Variants in HINT3 observed in about 807,000 individuals in gnomAD.
HINT3 encodes the protein adenosine 5'-monophosphoramidase HINT3.
Under a neutral mutation model 19.1 loss-of-function variants are expected in HINT3, and 16 were observed. That is an observed-to-expected ratio of 0.84 (90% CI 0.57 to 1.27). HINT3 has a LOEUF of 1.27. Among genes scored for constraint, HINT3 ranks in the 50% most tolerant of loss-of-function variants. The pLI is 0.00. For missense variants in HINT3, 197 were observed against 225.8 expected (o/e 0.87, Z 0.82); for synonymous variants, 75 against 84.8 (o/e 0.88, Z 0.63).
rs78221178 is a variant in HINT3 at position 125,971,155 on chromosome 6, C to T, written c.320-1104C>T. 6.5e-3 allele frequency among the ~76,000 whole-genome samples: 988 copies of T among 152,210 alleles called. 12 individuals carry two copies. The highest frequency in any genetic ancestry group is 0.022 in the African/African-American group (932 of 41,526). The stretch of plus-strand genomic sequence containing the variant: ...TTTTGGTGGACAGGTTTATTCCCAC[C>T]TGAAGGCCATAAAACACCAAGAGAA... On this transcript the variant is annotated intron_variant, in intron 2 of 4. Transcript: ENST00000229633.
In HINT3 at chr6:125,956,855, C is replaced by A; in HGVS notation, c.-123C>A. On this transcript the variant is annotated 5_prime_UTR_variant, in exon 1 of 5. Transcript: ENST00000229633. ...TTCCCTCTCCCCAAAGCCTGGATCACCGCCCAGCGTCAGGCGAGGGGCGAC... is the reference window on the plus strand; with the variant it reads ...TTCCCTCTCCCCAAAGCCTGGATCAACGCCCAGCGTCAGGCGAGGGGCGAC... The A allele has an allele frequency of 9.8e-7, 1 of 1,018,886 alleles. No homozygotes were observed. Among genetic ancestry groups the A allele is most frequent in the South Asian group, 1.6e-5 (1 of 63,400 alleles). 63.1% of individuals were successfully genotyped at this position (1,018,886 alleles called of 1,614,324 possible).
chr6:125,959,143 T>C (rs905836984), intron 1 of HINT3, among the ~76,000 whole-genome samples: 2 of 152,146 alleles, frequency 1.3e-5, no homozygotes, highest in African/African-American at 4.8e-5. Context: ...AATGGTTGGA[T>C]AGTCTAGCAC....
At chr6:125,958,992 G>A (rs756979301) in intron 1 of HINT3, among the ~76,000 whole-genome samples, 1 of 152,146 alleles carries the variant, frequency 6.6e-6, no homozygotes, top group Non-Finnish European at 1.5e-5. Context: ...TAGTAGTGGT[G>A]GTACCATTTC....
At chr6:125,967,507 T>C (rs1395806312) in intron 2 of HINT3, among the ~76,000 whole-genome samples, 1 of 152,038 alleles carries the variant, frequency 6.6e-6, no homozygotes, top group Non-Finnish European at 1.5e-5. Context: ...AATTTTTGTA[T>C]TTTTAGTAGA....
chr6:125,973,376 G>C (rs1208934713), intron 3 of HINT3, among the ~76,000 whole-genome samples: 3 of 152,060 alleles, frequency 2.0e-5, no homozygotes, highest in African/African-American at 7.2e-5. Context: ...ACTGCGCCGG[G>C]CCTTTTCAAA....
At chr6:125,973,064 A>ATTT (rs1562214989) in intron 3 of HINT3, among the ~76,000 whole-genome samples, 4 of 72,562 alleles carry the variant, frequency 5.5e-5, no homozygotes, top group South Asian at 4.6e-4. Context: ...CAATTTTTCA[A>ATTT]CTTTTTTTTT....
At chr6:125,969,785 AG>A (rs1456099873) in intron 2 of HINT3, among the ~76,000 whole-genome samples, 3 of 151,990 alleles carry the variant, frequency 2.0e-5, no homozygotes, top group Non-Finnish European at 4.4e-5. Flanking sequence ...TTAGACTGTC[AG>A]TTTGAGTGTT....
intron 4 of HINT3, among the ~76,000 whole-genome samples, chr6:125,976,148 C>T (rs952451411): frequency 4.6e-5 from 7 of 152,078 alleles, no homozygotes; most frequent in African/African-American, 1.4e-4. Flanking sequence ...AGTCATAGTA[C>T]AGAAAAATTT....
At chr6:125,976,253 A>G (rs1366126382) in intron 4 of HINT3, among the ~76,000 whole-genome samples, 1 of 152,110 alleles carries the variant, frequency 6.6e-6, no homozygotes, top group Non-Finnish European at 1.5e-5. Flanking sequence ...TAATATAAAA[A>G]TACAAAAATT....
chr6:125,968,502 A>C (rs1009153367), intron 2 of HINT3, among the ~76,000 whole-genome samples: 11 of 151,982 alleles, frequency 7.2e-5, no homozygotes, highest in African/African-American at 2.2e-4. Flanking sequence ...TTGGTAGGAT[A>C]ATTTGTTTTC....
intron 4 of HINT3, among the ~76,000 whole-genome samples, chr6:125,975,926 G>A (rs867131884): frequency 2.6e-5 from 4 of 152,176 alleles, no homozygotes; most frequent in South Asian, 4.1e-4. Flanking sequence ...CAAAGCAAAA[G>A]TGGAGTAGAG....
chr6:125,974,946 T>G lies in HINT3; in HGVS notation c.489T>G (p.Tyr163Ter), dbSNP rs1203194233. 6.2e-7 allele frequency: 1 copy of G among 1,614,040 alleles called. No individual in the cohort carries two copies. The highest frequency in any genetic ancestry group is 8.5e-7 in the Non-Finnish European group (1 of 1,179,902). ...TTGGCTTCTTATCCAAGTTGGTTTA[T>G]AGAGTCAATTCCTATTGGTTTATCA... The part of the protein sequence containing the change: ...DQLGFLSKLV[Y>*]RVNSYWFITA... The change falls in exon 4 of 5, where the codon TAT becomes TAG. Residue 163 changes from tyrosine (Y) to a stop codon, truncating the protein, a stop_gained. Transcript: ENST00000229633. LOFTEE classifies it high-confidence loss of function.
At chr6:125,963,158 A>T (rs1000899403) in intron 1 of HINT3, among the ~76,000 whole-genome samples, 1 of 152,120 alleles carries the variant, frequency 6.6e-6, no homozygotes, top group African/African-American at 2.4e-5. Flanking sequence ...TGGTTGAGAA[A>T]CACTGCTTCA....
At chr6:125,977,065 G>A (rs1429895449) in intron 4 of HINT3, among the ~76,000 whole-genome samples, 1 of 152,104 alleles carries the variant, frequency 6.6e-6, no homozygotes, top group East Asian at 1.9e-4. Flanking sequence ...TTGATAAATT[G>A]TTATCACCAC....
intron 1 of HINT3, 127 bp downstream of exon 1, chr6:125,957,305 G>A: frequency 9.6e-7 from 1 of 1,042,504 alleles, no homozygotes; most frequent in Non-Finnish European, 1.4e-6. Context: ...GCAGAGGCAG[G>A]GCCGCTCTGT....
At chr6:125,969,179 G>T in intron 2 of HINT3, among the ~76,000 whole-genome samples, 1 of 152,154 alleles carries the variant, frequency 6.6e-6, no homozygotes, top group Non-Finnish European at 1.5e-5. Context: ...GTTAATATTT[G>T]TATATGGTGA....
In HINT3 at chr6:125,978,792, TA is replaced by T. The variant is rs923226639; in HGVS notation, c.*1118del. ...GGGGGCATGATATTAAAGATAGTTT[TA>T]AGTAACAAATTACTTATTACAAAGT... On this transcript the variant is annotated 3_prime_UTR_variant, in exon 5 of 5. Coordinates refer to ENST00000229633, the MANE Select transcript of HINT3 (RefSeq NM_138571.5). 2.0e-5 allele frequency: 3 copies of T among 151,996 alleles called. No individual in the cohort carries two copies. Among genetic ancestry groups the T allele is most frequent in the African/African-American group, 7.3e-5 (3 of 41,336 alleles). 9.4% of individuals were successfully genotyped at this position (151,996 alleles called of 1,614,324 possible). A position where few individuals can be genotyped will look rare whatever the true frequency, so the allele number is the denominator to read the frequency against.
chr6:125,977,617 A>T (rs768627104), intron 4 of HINT3, 27 bp from the exon 5 acceptor site: 8 of 1,262,538 alleles, frequency 6.3e-6, no homozygotes, highest in Non-Finnish European at 9.0e-6. Context: ...GATATCTAGA[A>T]TTAAAAAGTA....
intron 2 of HINT3, 26 bp from the exon 3 acceptor site, chr6:125,972,233 A>G: frequency 6.8e-7 from 1 of 1,465,256 alleles, no homozygotes; most frequent in Non-Finnish European, 9.4e-7. Context: ...CCTCTAGTGT[A>G]ATGTTGTGTC....
Sources: allele counts gnomAD v4.1 joint callset (sites outside exome capture counted in the v4.1 genomes callset), GRCh38; gene constraint gnomAD v4.1.1; transcripts MANE v1.5; gene names NCBI Gene and HGNC (gene_info 2026-07-23, HGNC 2026-07-21).